Variants in KLHL1 observed in about 807,000 individuals in gnomAD.
KLHL1 encodes the protein kelch-like protein 1.
A neutral mutation model predicts 77.7 loss-of-function variants in KLHL1; 47 were observed. The observed-to-expected ratio is 0.60, with a 90% CI of 0.48 to 0.77. The LOEUF is 0.77. KLHL1 is among the 30% of genes least tolerant of loss of function. The pLI is 0.00. For synonymous variants in KLHL1, 360 were observed against 325.2 expected (o/e 1.11, Z -1.15); for missense variants, 925 against 910.8 (o/e 1.02, Z -0.20).
chr13:70,058,352 G>T (rs1200564748), intron 1 of KLHL1, among the ~76,000 whole-genome samples: 1 of 152,080 alleles, frequency 6.6e-6, no homozygotes, highest in Non-Finnish European at 1.5e-5. Context: ...CCAAAAAAAA[G>T]CTATTATAAT....
chr13:69,805,209 T>C (rs1877565833), intron 6 of KLHL1, among the ~76,000 whole-genome samples: 1 of 151,994 alleles, frequency 6.6e-6, no homozygotes. Context: ...AAATATTCCA[T>C]ATCAATCCCT....
chr13:69,893,959 T>C (rs919593006), intron 4 of KLHL1: 5 of 153,004 alleles, frequency 3.3e-5, no homozygotes, highest in Admixed American at 2.6e-4. Context: ...AAAAGACACA[T>C]AGGATGTTTG....
intron 4 of KLHL1, among the ~76,000 whole-genome samples, chr13:69,883,788 T>C (rs1038916764): frequency 6.6e-6 from 1 of 152,192 alleles, no homozygotes; most frequent in African/African-American, 2.4e-5. Context: ...TCAAAAACTT[T>C]CTTACATTTT....
intron 4 of KLHL1, among the ~76,000 whole-genome samples, chr13:69,939,355 A>ACATATACATAC (rs1332325038): frequency 1.4e-3 from 108 of 77,562 alleles, no homozygotes; most frequent in African/African-American, 4.5e-3. Context: ...ATATATATAT[A>ACATATACATAC]TATATATATA....
chr13:70,082,639 G>A (rs1465088890), intron 1 of KLHL1, among the ~76,000 whole-genome samples: 1 of 151,936 alleles, frequency 6.6e-6, no homozygotes, highest in Non-Finnish European at 1.5e-5. Flanking sequence ...TTAAATACAG[G>A]TACATGTGCA....
At chr13:69,836,632 A>G (rs1324283386) in intron 6 of KLHL1, among the ~76,000 whole-genome samples, 1 of 152,106 alleles carries the variant, frequency 6.6e-6, no homozygotes, top group Non-Finnish European at 1.5e-5. Flanking sequence ...TGCCTAAAAT[A>G]AAGTAAATTA....
intron 5 of KLHL1, among the ~76,000 whole-genome samples, chr13:69,859,096 T>TA (rs1057165463): frequency 2.0e-5 from 3 of 152,078 alleles, no homozygotes; most frequent in African/African-American, 7.2e-5. Flanking sequence ...CTTGCAATTT[T>TA]ACCTTCAAAA....
intron 1 of KLHL1, among the ~76,000 whole-genome samples, chr13:70,067,421 AT>A (rs1458851435): frequency 2.0e-5 from 3 of 152,134 alleles, no homozygotes; most frequent in African/African-American, 7.2e-5. Flanking sequence ...AGGGGAAAGA[AT>A]TGTCAAATGT....
intron 4 of KLHL1, among the ~76,000 whole-genome samples, chr13:69,899,307 G>A (rs550673580): frequency 1.3e-5 from 2 of 152,240 alleles, no homozygotes; most frequent in South Asian, 2.1e-4. Flanking sequence ...GTGCAAATCA[G>A]TTAGTTCTGG....
At chr13:69,758,737 A>AT (rs1264674407) in intron 7 of KLHL1, among the ~76,000 whole-genome samples, 4 of 152,138 alleles carry the variant, frequency 2.6e-5, no homozygotes, top group East Asian at 3.9e-4. Context: ...TATTTCCTCA[A>AT]TTTTTTTGTT....
At chr13:69,816,965 T>TA (rs1271768165) in intron 6 of KLHL1, among the ~76,000 whole-genome samples, 1 of 151,112 alleles carries the variant, frequency 6.6e-6, no homozygotes, top group Non-Finnish European at 1.5e-5. Context: ...CTCAGAATAG[T>TA]AAAAAAATAA....
At chr13:69,818,016 C>A (rs1031901370) in intron 6 of KLHL1, among the ~76,000 whole-genome samples, 1 of 151,902 alleles carries the variant, frequency 6.6e-6, no homozygotes, top group African/African-American at 2.4e-5. Flanking sequence ...AGAAGAGGCC[C>A]CAGAAATATT....
intron 1 of KLHL1, among the ~76,000 whole-genome samples, chr13:69,999,902 C>T (rs78003117): frequency 0.062 from 9,473 of 151,908 alleles, 335 homozygotes; most frequent in Middle Eastern, 0.078. Context: ...CTAATATAGT[C>T]GGGATGTTTG....
rs1204276424 is a variant in KLHL1, at chr13:69,961,409, G to A, written c.716C>T (p.Ala239Val). The A allele has an allele frequency of 1.2e-6, 2 of 1,612,810 alleles. No homozygotes were observed. Among genetic ancestry groups the A allele is most frequent in the Admixed American group, 1.7e-5 (1 of 59,830 alleles). Residue 239 changes from alanine (A) to valine (V), a missense_variant, in exon 3 of 11, where the codon GCC becomes GTC. By Grantham distance (64) the Ala-to-Val change is moderately conservative. Coordinates refer to ENST00000377844, the MANE Select transcript of KLHL1 (RefSeq NM_020866.3). ...VLSSVSDYFAAMFTSDVCEAK... is the reference protein window; with the variant it reads ...VLSSVSDYFAVMFTSDVCEAK... The stretch of plus-strand genomic sequence containing the variant: ...TTCACAAACATCACTTGTAAACATG[G>A]CCGCAAAATAGTCGGAGACTGAACT...
intron 1 of KLHL1, among the ~76,000 whole-genome samples, chr13:70,033,313 A>G (rs897621091): frequency 2.0e-5 from 3 of 152,056 alleles, no homozygotes; most frequent in Admixed American, 6.6e-5. Flanking sequence ...GTTTTGAGAC[A>G]GAGTCTCTCT....
In KLHL1 at chr13:69,796,829, G is replaced by GC. The variant is rs764510714; in HGVS notation, c.1547dup (p.Thr519AspfsTer6). The GC allele has an allele frequency of 6.2e-7, 1 of 1,614,104 alleles. No individual in the cohort carries two copies. The highest frequency in any genetic ancestry group is 1.1e-5 in the South Asian group (1 of 91,082). On this transcript the variant is annotated frameshift_variant, in exon 7 of 11. Transcript: ENST00000377844. LOFTEE classifies it high-confidence loss of function. Reference sequence around the variant, plus strand: ...ATTCAACAGTGTTCAATGTCTTTAAGCCATCTCGACCTCCAATTACAAAGA... The same window carrying GC: ...ATTCAACAGTGTTCAATGTCTTTAAGCCCATCTCGACCTCCAATTACAAAGA...
At chr13:69,912,711 C>G (rs993885968) in intron 4 of KLHL1, among the ~76,000 whole-genome samples, 2 of 152,146 alleles carry the variant, frequency 1.3e-5, no homozygotes, top group Admixed American at 1.3e-4. Flanking sequence ...CAAGTCACCG[C>G]CAGACTCTGC....
chr13:69,994,904 A>G (rs1014372077), intron 1 of KLHL1, among the ~76,000 whole-genome samples: 4 of 152,126 alleles, frequency 2.6e-5, no homozygotes, highest in Non-Finnish European at 5.9e-5. Flanking sequence ...CACTGACAAG[A>G]AAACCTATAG....
At chr13:69,703,062 T>C (rs1007539832) in intron 10 of KLHL1, among the ~76,000 whole-genome samples, 1 of 151,700 alleles carries the variant, frequency 6.6e-6, no homozygotes, top group Non-Finnish European at 1.5e-5. Flanking sequence ...ATGATTTTCA[T>C]GGATTGTCTC....
Sources: gnomAD v4.1 joint callset for allele counts (sites outside exome capture counted in the v4.1 genomes callset) on GRCh38, gnomAD v4.1.1 for gene constraint, MANE v1.5 for transcripts, NCBI Gene and HGNC (gene_info 2026-07-23, HGNC 2026-07-21) for gene names.